SLC4A8: variants seen among roughly 807,000 people sequenced by gnomAD.
SLC4A8 encodes the protein solute carrier family 4 member 8.
SLC4A8 carries 40 observed loss-of-function variants against 125.0 expected under a neutral mutation model. The ratio of observed to expected loss-of-function variants is 0.32; its 90% CI spans 0.25 to 0.42. SLC4A8 has a LOEUF of 0.42. Ranked by LOEUF, SLC4A8 falls within the 10% of genes least tolerant of loss-of-function variation. The probability of loss-of-function intolerance (pLI) is 1.00; values close to 1 mark genes in which losing one functional copy is unlikely to be tolerated. For missense variants in SLC4A8, 863 were observed against 1,355.1 expected, an observed-to-expected ratio of 0.64 and a Z score of 5.70; for synonymous variants, 456 against 476.0, an observed-to-expected ratio of 0.96 and a Z score of 0.55.
At chr12:51,484,295 A>G (rs1469698295) in intron 16 of SLC4A8, among the ~76,000 whole-genome samples, 1 of 152,220 alleles carries the variant, frequency 6.6e-6, no homozygotes, top group Non-Finnish European at 1.5e-5. Context: ...CTACTTGCTC[A>G]GGCCTGGGTT....
At chr12:51,408,873 G>A (rs183563334) in intron 1 of SLC4A8, among the ~76,000 whole-genome samples, 12 of 152,172 alleles carry the variant, frequency 7.9e-5, no homozygotes, top group Non-Finnish European at 1.3e-4. Flanking sequence ...GAGAAGGAGC[G>A]GGGAATGCAT....
intron 23 of SLC4A8, among the ~76,000 whole-genome samples, chr12:51,505,576 GT>G (rs1938132557): frequency 6.6e-6 from 1 of 152,252 alleles, no homozygotes; most frequent in African/African-American, 2.4e-5. Flanking sequence ...GGAGTGCACA[GT>G]TGTGGGAGCA....
chr12:51,420,836 T>C (rs1052907785), upstream of SLC4A8, among the ~76,000 whole-genome samples: 1 of 152,216 alleles, frequency 6.6e-6, no homozygotes, highest in Non-Finnish European at 1.5e-5. Flanking sequence ...TCATTTCATC[T>C]GAGCTCACAG....
intron 16 of SLC4A8, among the ~76,000 whole-genome samples, chr12:51,479,271 C>T (rs995567481): frequency 6.6e-6 from 1 of 152,162 alleles, no homozygotes; most frequent in Non-Finnish European, 1.5e-5. Flanking sequence ...AGCAGCCTTA[C>T]AAAATCCAGT....
In SLC4A8 at chr12:51,515,591, C is replaced by A. The variant is rs558549826; in HGVS notation, c.*8153C>A. ...GGAATAAATGTGTCATTGTGATAAT[C>A]CCATAGCAATTTATGGTAAGAACAA... On this transcript the variant is annotated 3_prime_UTR_variant, in exon 25 of 25. Transcript: ENST00000453097. 1 of 152,226 alleles carries A rather than the reference C, an allele frequency of 6.6e-6. No individual in the cohort carries two copies. Among genetic ancestry groups the A allele is most frequent in the Admixed American group, 6.5e-5 (1 of 15,286 alleles). The allele number at this position is 152,226 out of a possible 1,614,324, so 9.4% of individuals were successfully genotyped here. A position where few individuals can be genotyped will look rare whatever the true frequency, so the allele number is the denominator to read the frequency against.
intron 1 of SLC4A8, chr12:51,391,720 C>G (rs985906962): frequency 6.6e-6 from 1 of 152,258 alleles, no homozygotes; most frequent in Non-Finnish European, 1.5e-5. Flanking sequence ...CGCGCCCGCC[C>G]CGCCCCTCCC....
chr12:51,479,137 C>T (rs929049528), intron 16 of SLC4A8, among the ~76,000 whole-genome samples: 7 of 152,102 alleles, frequency 4.6e-5, no homozygotes, highest in Non-Finnish European at 1.0e-4. Flanking sequence ...GAGGGGAGCT[C>T]ATGGTGTAGT....
intron 21 of SLC4A8, among the ~76,000 whole-genome samples, chr12:51,495,564 C>T (rs1316374589): frequency 2.7e-5 from 4 of 147,480 alleles, no homozygotes; most frequent in Admixed American, 2.1e-4. Flanking sequence ...TGACCTCCAC[C>T]TCCCAGGTTC....
At chr12:51,487,187 C>T (rs1432560062) in intron 17 of SLC4A8, among the ~76,000 whole-genome samples, 2 of 152,194 alleles carry the variant, frequency 1.3e-5, no homozygotes, top group Non-Finnish European at 2.9e-5. Flanking sequence ...TTGCTCATGA[C>T]AGGCTCCATT....
intron 14 of SLC4A8, among the ~76,000 whole-genome samples, chr12:51,472,242 G>T (rs1037292347): frequency 1.3e-5 from 2 of 152,110 alleles, no homozygotes; most frequent in Non-Finnish European, 2.9e-5. Flanking sequence ...TCTTCCCTTA[G>T]CTCTGTACAT....
intron 3 of SLC4A8, 147 bp downstream of exon 3, chr12:51,451,169 T>C (rs966789100): frequency 1.3e-6 from 1 of 784,270 alleles, no homozygotes; most frequent in African/African-American, 1.8e-5. Flanking sequence ...GAAATGCCTC[T>C]AAGAGTCAAA....
intron 1 of SLC4A8, among the ~76,000 whole-genome samples, chr12:51,417,101 CAA>C (rs36051030): frequency 3.5e-5 from 5 of 143,512 alleles, no homozygotes; most frequent in Non-Finnish European, 4.6e-5. Context: ...CCCCCTGTCT[CAA>C]AAAAAAAAAG....
At chr12:51,480,322 C>G in intron 16 of SLC4A8, 1 of 1,203,074 alleles carries the variant, frequency 8.3e-7, no homozygotes. Context: ...ATATGTATGT[C>G]TTATTATATA....
chr12:51,435,936 A>G (rs1315336848), intron 1 of SLC4A8, among the ~76,000 whole-genome samples: 4 of 152,212 alleles, frequency 2.6e-5, no homozygotes, highest in Non-Finnish European at 5.9e-5. Flanking sequence ...TTAAGAGACT[A>G]TAATGTAGGT....
chr12:51,408,446 A>T (rs1246488133), intron 1 of SLC4A8, among the ~76,000 whole-genome samples: 1 of 151,882 alleles, frequency 6.6e-6, no homozygotes, highest in Non-Finnish European at 1.5e-5. Context: ...CATGCTGGCC[A>T]GGCTGGTCTC....
chr12:51,501,873 T>C (rs568356240), intron 22 of SLC4A8: 1 of 152,338 alleles, frequency 6.6e-6, no homozygotes, highest in Admixed American at 6.5e-5. Flanking sequence ...ATGGAGTCTC[T>C]TTGTGGTTCT....
intron 8 of SLC4A8, among the ~76,000 whole-genome samples, chr12:51,460,581 GTCTTA>G (rs1950295867): frequency 1.3e-5 from 2 of 152,226 alleles, no homozygotes; most frequent in African/African-American, 2.4e-5. Context: ...AGGAAGCCAA[GTCTTA>G]TCTTCTCAGT....
upstream of SLC4A8, among the ~76,000 whole-genome samples, chr12:51,420,973 T>A (rs927878771): frequency 7.2e-5 from 11 of 152,308 alleles, no homozygotes; most frequent in South Asian, 2.1e-4. Context: ...AAGGATGAAG[T>A]GAGGCTATCC....
chr12:51,426,535 T>C (rs1365174963), intron 1 of SLC4A8, among the ~76,000 whole-genome samples: 1 of 152,108 alleles, frequency 6.6e-6, no homozygotes, highest in African/African-American at 2.4e-5. Context: ...CAGAGAAGAT[T>C]TTGCTAAGGA....
Sources: gnomAD v4.1 joint callset for allele counts (sites outside exome capture counted in the v4.1 genomes callset) on GRCh38, gnomAD v4.1.1 for gene constraint, MANE v1.5 for transcripts, NCBI Gene and HGNC (gene_info 2026-07-23, HGNC 2026-07-21) for gene names.